Variants in SSBP3 observed in about 807,000 individuals in gnomAD.
SSBP3 encodes the protein single-stranded DNA-binding protein 3.
SSBP3 carries 5 observed loss-of-function variants against 69.6 expected under a neutral mutation model. The observed-to-expected ratio is 0.07, with a 90% confidence interval of 0.04 to 0.15. The LOEUF is 0.15. Ranked by LOEUF, SSBP3 falls within the 10% of genes least tolerant of loss-of-function variation. The probability of loss-of-function intolerance (pLI) is 1.00; values close to 1 mark genes in which losing one functional copy is unlikely to be tolerated. For synonymous variants in SSBP3, 196 were observed against 193.4 expected, an observed-to-expected ratio of 1.01 and a Z score of -0.11; for missense variants, 312 against 534.0, an observed-to-expected ratio of 0.58 and a Z score of 4.10.
At chr1:54,360,795 T>C (rs1215227209) in intron 4 of SSBP3, among the ~76,000 whole-genome samples, 1 of 152,034 alleles carries the variant, frequency 6.6e-6, no homozygotes, top group East Asian at 1.9e-4. Flanking sequence ...AGATAATACA[T>C]GTGGCCAGGC....
intron 4 of SSBP3, among the ~76,000 whole-genome samples, chr1:54,291,615 G>A (rs1187812111): frequency 6.6e-6 from 1 of 152,222 alleles, no homozygotes; most frequent in African/African-American, 2.4e-5. Flanking sequence ...GGTACTGCTG[G>A]AGAGATGCAA....
rs537753571 is a variant in SSBP3, at chr1:54,375,336, CTGCATGCA to C, written c.276+26517_276+26524del. Among the ~76,000 whole-genome samples, 306 of 125,806 alleles carry C rather than the reference CTGCATGCA, an allele frequency of 2.4e-3. 16 individuals are homozygous for C. The South Asian group carries it at 0.046, about 19-fold the overall frequency. The allele number at this position is 125,806 out of a possible 152,430, so 82.5% of individuals were successfully genotyped here. On this transcript the variant is annotated intron_variant, in intron 4 of 17. Transcript: ENST00000610401. ...TCATTCCTACTTGGGGGGGATCACA[CTGCATGCA>C]TGCATGCATGCATGCATTCAATTTA...
intron 4 of SSBP3, among the ~76,000 whole-genome samples, chr1:54,347,051 T>C (rs1385268165): frequency 6.6e-6 from 1 of 152,012 alleles, no homozygotes; most frequent in African/African-American, 2.4e-5. Flanking sequence ...ATCCTTGGAC[T>C]CCTGGGATCA....
intron 4 of SSBP3, chr1:54,335,734 C>T (rs149373295): frequency 2.0e-5 from 3 of 152,228 alleles, no homozygotes; most frequent in Non-Finnish European, 2.9e-5. Context: ...CGCACAATCC[C>T]GTAAGACAAG....
chr1:54,309,277 C>A (rs1009834513), intron 4 of SSBP3, among the ~76,000 whole-genome samples: 1 of 152,202 alleles, frequency 6.6e-6, no homozygotes, highest in Non-Finnish European at 1.5e-5. Context: ...AAATTTCAAA[C>A]TGAGCCACCC....
intron 9 of SSBP3, among the ~76,000 whole-genome samples, chr1:54,250,313 C>A (rs985608785): frequency 5.3e-5 from 8 of 152,240 alleles, no homozygotes; most frequent in Non-Finnish European, 1.0e-4. Context: ...TCCCTAAAAT[C>A]TTTCAACACC....
At chr1:54,378,816 G>A (rs1647394863) in intron 4 of SSBP3, among the ~76,000 whole-genome samples, 1 of 152,188 alleles carries the variant, frequency 6.6e-6, no homozygotes, top group Non-Finnish European at 1.5e-5. Flanking sequence ...GGACAAAGGG[G>A]ACAAGAGACA....
At chr1:54,293,374 C>T (rs1317974276) in intron 4 of SSBP3, among the ~76,000 whole-genome samples, 1 of 152,098 alleles carries the variant, frequency 6.6e-6, no homozygotes, top group Non-Finnish European at 1.5e-5. Context: ...AGAATTCTGA[C>T]CCAAACTCAG....
chr1:54,404,614 C>G, exon 3 of SSBP3: 1 of 1,613,850 alleles, frequency 6.2e-7, no homozygotes. Context: ...GTTCTCCCAA[C>G]GTGATGTTTT....
intron 4 of SSBP3, among the ~76,000 whole-genome samples, chr1:54,316,692 ATAAATAAATAAATAAAT>A (rs1646118255): frequency 2.3e-5 from 3 of 133,100 alleles, no homozygotes; most frequent in Admixed American, 7.1e-5. Flanking sequence ...AAATAAATAA[ATAAATAAATAAATAAAT>A]AAAATAAAAT....
At chr1:54,272,690 CTGGG>C (rs1645216209) in intron 5 of SSBP3, among the ~76,000 whole-genome samples, 1 of 152,176 alleles carries the variant, frequency 6.6e-6, no homozygotes, top group Non-Finnish European at 1.5e-5. Context: ...CGGTACAGTG[CTGGG>C]AGAACTGCCG....
intron 4 of SSBP3, among the ~76,000 whole-genome samples, chr1:54,388,690 G>C (rs1049232167): frequency 1.3e-5 from 2 of 152,218 alleles, no homozygotes. Flanking sequence ...TATCTGTAAG[G>C]AGAGGAGGCT....
Position 54,304,952 on chromosome 1 carries a change from C to T in SSBP3, c.277-23425G>A, listed in dbSNP as rs539757489. Among the ~76,000 whole-genome samples, 199 of 152,244 alleles carry T rather than the reference C, an allele frequency of 1.3e-3. 1 individual carries two copies. Among genetic ancestry groups the T allele is most frequent in the African/African-American group, 4.5e-3 (188 of 41,560 alleles). On this transcript the variant is annotated intron_variant, in intron 4 of 17. Transcript: ENST00000610401. ...CACCCCCACCGACACCATGAGGAAGCGAGGATGCGTGGGACCCGGAGCGGC... is the reference window on the plus strand; with the variant it reads ...CACCCCCACCGACACCATGAGGAAGTGAGGATGCGTGGGACCCGGAGCGGC...
chr1:54,337,604 C>T (rs547871049), intron 4 of SSBP3, among the ~76,000 whole-genome samples: 2 of 148,628 alleles, frequency 1.3e-5, no homozygotes, highest in African/African-American at 5.0e-5. Flanking sequence ...CGGGTTCCAG[C>T]GATTCCCTTG....
At chr1:54,298,544 T>G (rs2100986808) in intron 4 of SSBP3, among the ~76,000 whole-genome samples, 1 of 152,290 alleles carries the variant, frequency 6.6e-6, no homozygotes, top group South Asian at 2.1e-4. Flanking sequence ...AAGCTGCCCT[T>G]CTAGGCAGAG....
intron 4 of SSBP3, among the ~76,000 whole-genome samples, chr1:54,368,263 A>G (rs1647060164): frequency 6.9e-6 from 1 of 144,018 alleles, no homozygotes; most frequent in Admixed American, 7.3e-5. Context: ...ACGCCACTGC[A>G]CTCCAGCAGA....
chr1:54,379,116 GAC>G, intron 4 of SSBP3, among the ~76,000 whole-genome samples: 1 of 152,342 alleles, frequency 6.6e-6, no homozygotes, highest in East Asian at 1.9e-4. Flanking sequence ...CCTGAAGAGA[GAC>G]AAAGAATTAT....
chr1:54,240,165 A>G (rs929622204), intron 13 of SSBP3, among the ~76,000 whole-genome samples: 45 of 151,014 alleles, frequency 3.0e-4, no homozygotes, highest in African/African-American at 1.0e-3. Flanking sequence ...TTTTGTTTAA[A>G]GAAACAGGGA....
At chr1:54,347,841 C>G (rs2100560559) in intron 4 of SSBP3, among the ~76,000 whole-genome samples, 1 of 152,308 alleles carries the variant, frequency 6.6e-6, no homozygotes, top group South Asian at 2.1e-4. Context: ...AGGGCATGGC[C>G]CTGCGGGCAC....
Sources: gnomAD v4.1 joint callset for allele counts (sites outside exome capture counted in the v4.1 genomes callset) on GRCh38, gnomAD v4.1.1 for gene constraint, MANE v1.5 for transcripts, NCBI Gene and HGNC (gene_info 2026-07-23, HGNC 2026-07-21) for gene names.